Variants in SRC observed in about 807,000 individuals in gnomAD.
SRC encodes the protein proto-oncogene tyrosine-protein kinase Src.
Under a neutral mutation model 62.9 loss-of-function variants are expected in SRC, and 13 were observed. The observed-to-expected ratio is 0.21, with a 90% CI of 0.13 to 0.33. The LOEUF is 0.33. Among genes scored for constraint, SRC ranks in the 10% least tolerant of loss-of-function variants. The pLI, the probability that SRC is intolerant of heterozygous loss-of-function variation, is 1.00. For synonymous variants in SRC, 302 were observed against 317.5 expected, an observed-to-expected ratio of 0.95 and a Z score of 0.52; for missense variants, 457 against 737.3, an observed-to-expected ratio of 0.62 and a Z score of 4.40.
At chr20:37,347,961 T>C (rs746887881) in intron 1 of SRC, among the ~76,000 whole-genome samples, 1 of 152,168 alleles carries the variant, frequency 6.6e-6, no homozygotes, top group Non-Finnish European at 1.5e-5. Flanking sequence ...TGCTGAGGGA[T>C]TGAATGAAAG....
intron 2 of SRC, among the ~76,000 whole-genome samples, chr20:37,366,839 C>T (rs1006956707): frequency 1.3e-5 from 2 of 152,084 alleles, no homozygotes; most frequent in African/African-American, 4.8e-5. Flanking sequence ...CATTCATGCA[C>T]AAGTTTTTGT....
At chr20:37,391,809 G>A (rs375580032) in intron 5 of SRC, among the ~76,000 whole-genome samples, 60 of 152,262 alleles carry the variant, frequency 3.9e-4, no homozygotes, top group African/African-American at 1.4e-3. Flanking sequence ...AGCCGAGATC[G>A]CGCTGTTGCA....
Position 37,383,888 on chromosome 20 carries a change from T to A in SRC, c.-4-262T>A, listed in dbSNP as rs559950649. ...CTGGGACTACAGGCGCGTGCCACCA[T>A]GCCCGGCTAATTTTTTTTTTTTTTT... On this transcript the variant is annotated intron_variant, in intron 3 of 13. Transcript: ENST00000373578. Among the ~76,000 whole-genome samples, 7 of 148,148 alleles carry A rather than the reference T, an allele frequency of 4.7e-5. No homozygotes were observed. In the South Asian group the frequency reaches 1.5e-3, roughly 31 times the overall value.
Position 37,384,101 on chromosome 20 carries a change from G to C in SRC, c.-4-49G>C, listed in dbSNP as rs2070407098. 6.3e-6 allele frequency: 10 copies of C among 1,585,444 alleles called. No individual in the cohort carries two copies. In the Admixed American group the frequency reaches 6.8e-5, roughly 11 times the overall value. ...ATGGGTGGGAGGGAGGCCGGCCAAG[G>C]GGCCCCGGCAGCCCTGCCTGTTCCA... is the stretch of plus-strand genomic sequence containing the variant. On this transcript the variant is annotated intron_variant, in intron 3 of 13. Coordinates refer to ENST00000373578, the MANE Select transcript of SRC (RefSeq NM_198291.3). The surrounding 1 kb of genome is among the most constrained non-coding windows in gnomAD (Gnocchi z 6.7).
chr20:37,403,215 C>T lies in SRC; in HGVS notation c.1447C>T (p.Arg483Trp), dbSNP rs768098520. The change falls in exon 14 of 14, where the codon CGG (arginine) becomes TGG (tryptophan). Residue 483 changes from arginine (R) to tryptophan (W), a missense_variant. By Grantham distance (101) the Arg-to-Trp change is moderately radical. This residue lies in a region of SRC where 168 missense variants were observed against 357.8 expected (regional missense o/e 0.47). Coordinates refer to ENST00000373578, the MANE Select transcript of SRC (RefSeq NM_198291.3). This position sits in a 1 kb window ranked among gnomAD's most constrained non-coding sequence, Gnocchi z 7.1. Reference sequence around the variant, plus strand: ...GCTGGACCAGGTGGAGCGGGGCTACCGGATGCCCTGCCCGCCGGAGTGTCC... The same window carrying T: ...GCTGGACCAGGTGGAGCGGGGCTACTGGATGCCCTGCCCGCCGGAGTGTCC... ...EVLDQVERGYRMPCPPECPES... is the reference protein window; with the variant it reads ...EVLDQVERGYWMPCPPECPES... 3.2e-6 allele frequency: 5 copies of T among 1,570,102 alleles called. No homozygotes were observed. Among genetic ancestry groups the T allele is most frequent in the South Asian group, 1.2e-5 (1 of 85,996 alleles).
chr20:37,385,399 C>T (rs1041942928), intron 4 of SRC, among the ~76,000 whole-genome samples: 2 of 152,088 alleles, frequency 1.3e-5, no homozygotes, highest in East Asian at 1.9e-4. Context: ...CTCTGCTGCC[C>T]GGGCCCCAGC....
Position 37,394,003 on chromosome 20 carries a change from G to C in SRC, c.449+10G>C, listed in dbSNP as rs139475374. On this transcript the variant is annotated intron_variant, in intron 6 of 13. Transcript: ENST00000373578. ...CCATCCAGGCTGAGGAGTGAGTACC[G>C]TCTCTGGCTGCCTCTACCCGTCGTC... is the stretch of plus-strand genomic sequence containing the variant. The C allele has an allele frequency of 6.2e-7, 1 of 1,612,146 alleles. No individual in the cohort carries two copies. The highest frequency in any genetic ancestry group is 8.5e-7 in the Non-Finnish European group (1 of 1,178,518).
intron 6 of SRC, 22 bp from the exon 7 acceptor site, chr20:37,394,152 T>C: frequency 6.2e-7 from 1 of 1,605,872 alleles, no homozygotes; most frequent in Non-Finnish European, 8.5e-7. Flanking sequence ...GTCAGCACCA[T>C]CCTCCGTCCT....
At chr20:37,381,758 G>A (rs946937861) in intron 2 of SRC, among the ~76,000 whole-genome samples, 1 of 152,186 alleles carries the variant, frequency 6.6e-6, no homozygotes, top group Admixed American at 6.5e-5. Context: ...GACACCAGCT[G>A]GGTGAGTGCT....
intron 1 of SRC, among the ~76,000 whole-genome samples, chr20:37,349,735 C>T (rs1419503540): frequency 2.0e-5 from 3 of 152,148 alleles, no homozygotes; most frequent in Non-Finnish European, 2.9e-5. Flanking sequence ...AGGGCTGGCT[C>T]GGGAGAGGAT....
intron 2 of SRC, among the ~76,000 whole-genome samples, chr20:37,368,518 CT>C (rs1352624429): frequency 0.28 from 20,847 of 73,202 alleles, 2,369 homozygotes; most frequent in African/African-American, 0.45. Flanking sequence ...CCTATATTTT[CT>C]TTTTTTTTTT....
At position 37,402,334 on chromosome 20, in the gene SRC, G is replaced by A. The variant is rs945872693; in HGVS notation, c.1117-101G>A. 3.3e-5 allele frequency: 47 copies of A among 1,425,606 alleles called. No individual in the cohort carries two copies. Among genetic ancestry groups the A allele is most frequent in the Non-Finnish European group, 4.3e-5 (45 of 1,045,936 alleles). 88.3% of individuals were successfully genotyped at this position (1,425,606 alleles called of 1,614,324 possible). A position where few individuals can be genotyped will look rare whatever the true frequency, so the allele number is the denominator to read the frequency against. The stretch of plus-strand genomic sequence containing the variant: ...TCACTTGCCTGAAGAAGTGTGGGGA[G>A]GGTGGGGAAGGGGTGGTTGGCTCTC... On this transcript the variant is annotated intron_variant, in intron 11 of 13. Transcript: ENST00000373578. The surrounding 1 kb of genome is among the most constrained non-coding windows in gnomAD (Gnocchi z 6.2).
Position 37,398,074 on chromosome 20 carries a change from C to T in SRC, c.859+220C>T, listed in dbSNP as rs943597210. Among the ~76,000 whole-genome samples the T allele has an allele frequency of 3.9e-5, 6 of 152,208 alleles. No homozygotes were observed. Among genetic ancestry groups the T allele is most frequent in the East Asian group, 1.9e-4 (1 of 5,202 alleles). On this transcript the variant is annotated intron_variant, in intron 9 of 13. Transcript: ENST00000373578. The surrounding 1 kb of genome is among the most constrained non-coding windows in gnomAD (Gnocchi z 5.2). ...AACCATAGTGCCTGATTCCAAGATC[C>T]GCACAGGGCTGGGCATTGCACAGAC...
chr20:37,400,405 G>A, intron 10 of SRC, 111 bp downstream of exon 10: 1 of 987,962 alleles, frequency 1.0e-6, no homozygotes, highest in Non-Finnish European at 1.4e-6. Context: ...GTGGAATGCA[G>A]TAGAGCCAAA....
chr20:37,359,392 G>A (rs1469413408), intron 1 of SRC, among the ~76,000 whole-genome samples: 3 of 152,346 alleles, frequency 2.0e-5, no homozygotes, highest in South Asian at 2.1e-4. Flanking sequence ...CACACAGCCC[G>A]TAAGAAGGCG....
chr20:37,357,405 TTCCATCCA>T lies in SRC; in HGVS notation c.-246-7777_-246-7770del, dbSNP rs375569482. 3.3e-3 allele frequency among the ~76,000 whole-genome samples: 498 copies of T among 152,138 alleles called. 3 individuals are homozygous for T. The highest frequency in any genetic ancestry group is 0.011 in the African/African-American group (440 of 41,518). On this transcript the variant is annotated intron_variant, in intron 1 of 13. Coordinates refer to ENST00000373578, the MANE Select transcript of SRC (RefSeq NM_198291.3). ...CCTACTGTGGGTGCCCTGCTTGCTC[TTCCATCCA>T]TCCATCCATCCATCCATCCATGATC...
chr20:37,383,105 C>T (rs1190268491), intron 3 of SRC, among the ~76,000 whole-genome samples: 1 of 152,230 alleles, frequency 6.6e-6, no homozygotes, highest in African/African-American at 2.4e-5. Flanking sequence ...AACAAAAGCC[C>T]ACGACAGTAG....
intron 2 of SRC, among the ~76,000 whole-genome samples, chr20:37,370,826 G>A (rs2070151855): frequency 6.6e-6 from 1 of 152,152 alleles, no homozygotes; most frequent in Non-Finnish European, 1.5e-5. Context: ...TCCTAGAGAA[G>A]AACTGGTATA....
Position 37,397,902 on chromosome 20 carries a change from G to A in SRC, c.859+48G>A, listed in dbSNP as rs186598829. 175 of 1,566,042 alleles carry A rather than the reference G, an allele frequency of 1.1e-4. No homozygotes were observed. Among genetic ancestry groups the A allele is most frequent in the Non-Finnish European group, 1.5e-4 (169 of 1,159,174 alleles). On this transcript the variant is annotated intron_variant, in intron 9 of 13. Coordinates refer to ENST00000373578, the MANE Select transcript of SRC (RefSeq NM_198291.3). This position sits in a 1 kb window ranked among gnomAD's most constrained non-coding sequence, Gnocchi z 4.1. ...GGGAGAGGCATCCACCCCCCACCCCGTGTGGCAGCTCCGGGCTCCCTTGGT... is the reference window on the plus strand; with the variant it reads ...GGGAGAGGCATCCACCCCCCACCCCATGTGGCAGCTCCGGGCTCCCTTGGT...
Sources: gnomAD v4.1 joint callset for allele counts (sites outside exome capture counted in the v4.1 genomes callset) on GRCh38, gnomAD v4.1.1 for gene constraint, gnomAD v4.1.1 regional missense constraint, Gnocchi (gnomAD v3.1) non-coding constraint, MANE v1.5 for transcripts, NCBI Gene and HGNC (gene_info 2026-07-23, HGNC 2026-07-21) for gene names.